PPP1R14C: variants seen among roughly 807,000 people sequenced by gnomAD.
The protein encoded by PPP1R14C is protein phosphatase 1 regulatory subunit 14C.
Under a neutral mutation model 20.4 loss-of-function variants are expected in PPP1R14C, and 16 were observed. The observed-to-expected ratio is 0.78, with a 90% CI of 0.53 to 1.19. The LOEUF is 1.19. Ranked by LOEUF, PPP1R14C falls within the 50% of genes most tolerant of loss-of-function variation. The probability of loss-of-function intolerance (pLI) is 0.00; values close to 1 mark genes in which losing one functional copy is unlikely to be tolerated. For missense variants in PPP1R14C, 211 were observed against 220.1 expected (o/e 0.96, Z 0.26); for synonymous variants, 91 against 91.0 (o/e 1.00, Z 0.00).
intron 1 of PPP1R14C, among the ~76,000 whole-genome samples, chr6:150,155,980 G>A (rs914914183): frequency 8.0e-6 from 1 of 124,268 alleles, no homozygotes; most frequent in Admixed American, 1.1e-4. Context: ...AGCCAAGATC[G>A]CACCATTGCA....
At chr6:150,180,197 A>G (rs1267297277) in intron 1 of PPP1R14C, among the ~76,000 whole-genome samples, 1 of 152,230 alleles carries the variant, frequency 6.6e-6, no homozygotes, top group Non-Finnish European at 1.5e-5. Context: ...GTGAGACTCC[A>G]TTTCAAAAAA....
intron 1 of PPP1R14C, chr6:150,196,022 G>A (rs1042787184): frequency 1.2e-5 from 12 of 985,282 alleles, no homozygotes; most frequent in African/African-American, 5.2e-5. Context: ...AGTGAGTGGG[G>A]GACTGGGATT....
At chr6:150,181,011 T>G (rs1437001001) in intron 1 of PPP1R14C, among the ~76,000 whole-genome samples, 1 of 152,216 alleles carries the variant, frequency 6.6e-6, no homozygotes, top group African/African-American at 2.4e-5. Flanking sequence ...GTAGAGAAAC[T>G]ACAGCTCCTC....
intron 1 of PPP1R14C, chr6:150,195,952 A>G (rs1276499292): frequency 1.0e-6 from 1 of 985,268 alleles, no homozygotes; most frequent in Admixed American, 6.1e-5. Context: ...TGCTGTGTCC[A>G]AGGACTGAAG....
chr6:150,207,039 A>G (rs1329338744), intron 1 of PPP1R14C, among the ~76,000 whole-genome samples: 4 of 151,552 alleles, frequency 2.6e-5, no homozygotes, highest in African/African-American at 9.7e-5. Flanking sequence ...TAATTTTTGT[A>G]TTTTTAGTAG....
intron 1 of PPP1R14C, among the ~76,000 whole-genome samples, chr6:150,167,973 T>TCCTCCCCTTCCTCTCC (rs1777446032): frequency 7.1e-5 from 2 of 28,204 alleles, no homozygotes; most frequent in African/African-American, 3.7e-4. Flanking sequence ...CCTCTTTCTC[T>TCCTCCCCTTCCTCTCC]CCTTCTCTCC....
rs544531087 is a variant in PPP1R14C at position 150,219,857 on chromosome 6, G to GTTT, written c.423+3006_423+3008dup. ...GCATTTGTGTGTATAAGAACGGCTT[G>GTTT]TTTTTTTGTTGTTTTTGAACAGAGT... On this transcript the variant is annotated intron_variant, in intron 3 of 3. Coordinates refer to ENST00000361131, the MANE Select transcript of PPP1R14C (RefSeq NM_030949.3). Among the ~76,000 whole-genome samples, 160 of 146,832 alleles carry GTTT rather than the reference G, an allele frequency of 1.1e-3. 1 individual carries two copies. Among genetic ancestry groups the GTTT allele is most frequent in the African/African-American group, 4.1e-3 (150 of 37,022 alleles).
chr6:150,199,656 G>T (rs1242587633), intron 1 of PPP1R14C, among the ~76,000 whole-genome samples: 1 of 152,162 alleles, frequency 6.6e-6, no homozygotes, highest in African/African-American at 2.4e-5. Context: ...AATTGCTTGA[G>T]CCCAGGAGTT....
intron 1 of PPP1R14C, among the ~76,000 whole-genome samples, chr6:150,188,094 G>C (rs1045975608): frequency 1.1e-4 from 16 of 152,148 alleles, no homozygotes; most frequent in African/African-American, 3.9e-4. Context: ...TTGGAGAAAG[G>C]TCTGTTTATT....
chr6:150,217,188 G>C (rs1582923362), intron 3 of PPP1R14C, among the ~76,000 whole-genome samples: 1 of 151,382 alleles, frequency 6.6e-6, no homozygotes, highest in East Asian at 1.9e-4. Context: ...TTGGTTTATT[G>C]GTATGTATTT....
chr6:150,175,410 T>C (rs1777550550), intron 1 of PPP1R14C, among the ~76,000 whole-genome samples: 1 of 152,198 alleles, frequency 6.6e-6, no homozygotes, highest in Non-Finnish European at 1.5e-5. Context: ...ATCACAGTGG[T>C]CATTTACTAA....
In PPP1R14C at chr6:150,171,217, C is replaced by T. The variant is rs1387806039; in HGVS notation, c.306+27719C>T. On this transcript the variant is annotated intron_variant, in intron 1 of 3. Transcript: ENST00000361131. The stretch of plus-strand genomic sequence containing the variant: ...CACCATGGTAGTTTACAGAGGAGTT[C>T]CACTGACCTGAACATTCTCTCGTTA... Among the ~76,000 whole-genome samples, 3 of 152,294 alleles carry T rather than the reference C, an allele frequency of 2.0e-5. No homozygotes were observed. The East Asian group carries it at 5.8e-4, about 29-fold the overall frequency.
At chr6:150,235,236 G>A (rs1454716934) in intron 3 of PPP1R14C, among the ~76,000 whole-genome samples, 4 of 152,102 alleles carry the variant, frequency 2.6e-5, no homozygotes, top group Non-Finnish European at 5.9e-5. Context: ...CTATAGGTGC[G>A]CACCACCACA....
Position 150,201,368 on chromosome 6 carries a change from G to T in PPP1R14C, c.307-13376G>T, listed in dbSNP as rs1777875575. Reference sequence around the variant, plus strand: ...TTGACCTCATCACAAGTCTGGCGAAGACATTTTGCTTTAGGAAGTGATGGC... The same window carrying T: ...TTGACCTCATCACAAGTCTGGCGAATACATTTTGCTTTAGGAAGTGATGGC... On this transcript the variant is annotated intron_variant, in intron 1 of 3. Coordinates refer to ENST00000361131, the MANE Select transcript of PPP1R14C (RefSeq NM_030949.3). The surrounding 1 kb of genome is among the most constrained non-coding windows in gnomAD (Gnocchi z 4.2). Among the ~76,000 whole-genome samples, 1 of 152,174 alleles carries T rather than the reference G, an allele frequency of 6.6e-6. No homozygotes were observed. The highest frequency in any genetic ancestry group is 2.4e-5 in the African/African-American group (1 of 41,436).
At chr6:150,237,698 T>C (rs1778379741) in intron 3 of PPP1R14C, among the ~76,000 whole-genome samples, 2 of 152,208 alleles carry the variant, frequency 1.3e-5, no homozygotes, top group Non-Finnish European at 2.9e-5. Flanking sequence ...TGAGGTCTTA[T>C]TGTCATTGCT....
At chr6:150,218,832 T>C (rs1778131044) in intron 3 of PPP1R14C, among the ~76,000 whole-genome samples, 1 of 152,156 alleles carries the variant, frequency 6.6e-6, no homozygotes, top group East Asian at 1.9e-4. Flanking sequence ...TTTATTTTTT[T>C]ATAGAGACTG....
intron 1 of PPP1R14C, among the ~76,000 whole-genome samples, chr6:150,176,164 G>A (rs908424642): frequency 2.0e-5 from 3 of 152,204 alleles, no homozygotes; most frequent in South Asian, 2.1e-4. Context: ...TGGGCACCCC[G>A]GGGTGAGGGA....
rs529837110 is a variant in PPP1R14C at position 150,208,259 on chromosome 6, T to TG, written c.307-6485_307-6484insG. Among the ~76,000 whole-genome samples the TG allele has an allele frequency of 2.7e-3, 413 of 151,690 alleles. 3 individuals are homozygous for TG. The highest frequency in any genetic ancestry group is 9.5e-3 in the African/African-American group (392 of 41,380). ...AGGGTGGAAATGGTTTCCTCTCGGG[T>TG]TTCTGGAATATTTGCTGTTGGCTTC... On this transcript the variant is annotated intron_variant, in intron 1 of 3. Transcript: ENST00000361131.
chr6:150,146,708 G>C (rs992040224), intron 1 of PPP1R14C, among the ~76,000 whole-genome samples: 1 of 152,296 alleles, frequency 6.6e-6, no homozygotes, highest in Admixed American at 6.5e-5. Context: ...ACAGATCTGG[G>C]AGGAGCTTGT....
Sources: gnomAD v4.1 joint callset for allele counts (sites outside exome capture counted in the v4.1 genomes callset) on GRCh38, gnomAD v4.1.1 for gene constraint, Gnocchi (gnomAD v3.1) non-coding constraint, MANE v1.5 for transcripts, NCBI Gene and HGNC (gene_info 2026-07-23, HGNC 2026-07-21) for gene names.